Variants in ZNF43 observed in about 807,000 individuals in gnomAD.
The protein encoded by ZNF43 is zinc finger protein 43.
A neutral mutation model predicts 68.4 loss-of-function variants in ZNF43; 44 were observed. The ratio of observed to expected loss-of-function variants is 0.64; its 90% CI spans 0.51 to 0.83. The LOEUF (loss-of-function observed/expected upper bound fraction) is 0.83, where lower values mean the gene tolerates loss of function less well. Ranked by LOEUF, ZNF43 falls within the 40% of genes least tolerant of loss-of-function variation. ZNF43 has a pLI of 0.00. For missense variants in ZNF43, 896 were observed against 933.2 expected (o/e 0.96, Z 0.52); for synonymous variants, 308 against 307.8 (o/e 1.00, Z -0.01).
chr19:21,833,698 T>G (rs551159656), intron 1 of ZNF43, among the ~76,000 whole-genome samples: 1 of 151,764 alleles, frequency 6.6e-6, no homozygotes, highest in South Asian at 2.1e-4. Flanking sequence ...ATCACCCACA[T>G]TTTTCGAAAG....
chr19:21,809,107 T>C lies in ZNF43; in HGVS notation c.930A>G (p.Gly310=). 6.2e-7 allele frequency: 1 copy of C among 1,613,588 alleles called. No individual in the cohort carries two copies. Among genetic ancestry groups the C allele is most frequent in the South Asian group, 1.1e-5 (1 of 91,074 alleles). Residue 310 remains glycine, a synonymous_variant, in exon 4 of 4, where the codon GGA becomes GGG. Transcript: ENST00000354959. Reference sequence around the variant, plus strand: ...ATTCTTCACATTTGTAAGGTTTCTCTCCAGGATGAATTTTCTTATGTTCAG... The same window carrying C: ...ATTCTTCACATTTGTAAGGTTTCTCCCCAGGATGAATTTTCTTATGTTCAG... ...NLTEHKKIHP[G]EKPYKCEECG...
At chr19:21,824,371 TG>T (rs1180537479) in intron 1 of ZNF43, among the ~76,000 whole-genome samples, 1 of 152,182 alleles carries the variant, frequency 6.6e-6, no homozygotes, top group East Asian at 1.9e-4. Flanking sequence ...CTAAGATGCT[TG>T]TTTACACTTA....
At chr19:21,847,697 CG>C (rs199851865) in intron 1 of ZNF43, among the ~76,000 whole-genome samples, 1 of 112,622 alleles carries the variant, frequency 8.9e-6, no homozygotes, top group African/African-American at 5.1e-5. Flanking sequence ...ACTCCGTCTC[CG>C]AAAAAAAAAA....
chr19:21,839,593 G>A (rs890436178), upstream of ZNF43: 1 of 152,210 alleles, frequency 6.6e-6, no homozygotes, highest in Admixed American at 6.5e-5. Context: ...CACATAGCCT[G>A]TGTGCTAATC....
At chr19:21,820,810 G>T (rs1174180617) in intron 1 of ZNF43, among the ~76,000 whole-genome samples, 4 of 150,472 alleles carry the variant, frequency 2.7e-5, no homozygotes, top group Admixed American at 1.3e-4. Context: ...TCAAGATACA[G>T]ATGTCTCCCA....
At chr19:21,829,032 C>CAAAAAAAAA (rs551226809) in intron 1 of ZNF43, among the ~76,000 whole-genome samples, 5 of 38,812 alleles carry the variant, frequency 1.3e-4, no homozygotes, top group African/African-American at 2.6e-4. Context: ...GACTCTGTCT[C>CAAAAAAAAA]AAAAAAAAAA....
intron 3 of ZNF43, among the ~76,000 whole-genome samples, chr19:21,817,451 A>G (rs10402133): frequency 0.17 from 25,729 of 152,232 alleles, 2,485 homozygotes; most frequent in Non-Finnish European, 0.22. Context: ...TAAAAACAGG[A>G]TGAACTGTGC....
intron 1 of ZNF43, chr19:21,850,010 T>C (rs1010273338): frequency 6.6e-6 from 1 of 152,144 alleles, no homozygotes; most frequent in African/African-American, 2.4e-5. Flanking sequence ...GAGTATCACA[T>C]CACCTGAATA....
chr19:21,812,782 C>T (rs1255061408), intron 3 of ZNF43, among the ~76,000 whole-genome samples: 3 of 151,990 alleles, frequency 2.0e-5, no homozygotes, highest in Non-Finnish European at 4.4e-5. Flanking sequence ...AAAACCCCAT[C>T]TCTACTAAAA....
At chr19:21,829,210 T>C (rs1018374913) in intron 1 of ZNF43, among the ~76,000 whole-genome samples, 5 of 150,390 alleles carry the variant, frequency 3.3e-5, no homozygotes, top group African/African-American at 1.2e-4. Flanking sequence ...GGTGACAGAG[T>C]GAGACTCCAT....
At chr19:21,830,760 A>T (rs192347908) in intron 1 of ZNF43, among the ~76,000 whole-genome samples, 2 of 152,192 alleles carry the variant, frequency 1.3e-5, no homozygotes, top group African/African-American at 4.8e-5. Context: ...CTCATTACAT[A>T]ATAGCATTAT....
At chr19:21,848,300 C>A (rs1167803095) in intron 1 of ZNF43, among the ~76,000 whole-genome samples, 1 of 152,012 alleles carries the variant, frequency 6.6e-6, no homozygotes, top group Non-Finnish European at 1.5e-5. Context: ...TGCGCCACCA[C>A]ACGTGGCTAA....
intron 1 of ZNF43, among the ~76,000 whole-genome samples, chr19:21,850,716 A>G (rs1968291025): frequency 6.6e-6 from 1 of 152,246 alleles, no homozygotes; most frequent in South Asian, 2.1e-4. Flanking sequence ...ATATGTAACA[A>G]TGCACCTTGT....
intron 1 of ZNF43, among the ~76,000 whole-genome samples, chr19:21,828,801 C>T (rs2038268386): frequency 6.7e-6 from 1 of 149,216 alleles, no homozygotes; most frequent in Non-Finnish European, 1.5e-5. Flanking sequence ...TGGGAGGCCG[C>T]AGCGAGCAGA....
chr19:21,820,617 G>A (rs1599479293), intron 1 of ZNF43, among the ~76,000 whole-genome samples: 1 of 151,762 alleles, frequency 6.6e-6, no homozygotes, highest in East Asian at 1.9e-4. Context: ...AATTATTTAG[G>A]GAAAGAGTCT....
chr19:21,837,099 G>T (rs1455589367), upstream of ZNF43, among the ~76,000 whole-genome samples: 1 of 152,124 alleles, frequency 6.6e-6, no homozygotes, highest in Non-Finnish European at 1.5e-5. Context: ...ATTCTTAGTG[G>T]ATAGTATTCC....
chr19:21,839,331 C>CAAAAAAAAAAA (rs61335194), upstream of ZNF43, among the ~76,000 whole-genome samples: 12 of 28,284 alleles, frequency 4.2e-4, no homozygotes, highest in Non-Finnish European at 6.3e-4. Context: ...AGAGATCAGG[C>CAAAAAAAAAAA]AAAAAAAAAA....
At chr19:21,815,372 C>T (rs1298729816) in intron 3 of ZNF43, among the ~76,000 whole-genome samples, 1 of 151,560 alleles carries the variant, frequency 6.6e-6, no homozygotes, top group Admixed American at 6.6e-5. Context: ...TTTTAATAAA[C>T]ATTTAAAAGA....
upstream of ZNF43, chr19:21,836,284 C>A (rs1255137140): frequency 4.6e-6 from 6 of 1,292,122 alleles, no homozygotes; most frequent in Non-Finnish European, 5.0e-6. Flanking sequence ...CTTCTAAGGT[C>A]CTGCCCCCGC....
Sources: gnomAD v4.1 joint callset for allele counts (sites outside exome capture counted in the v4.1 genomes callset) on GRCh38, gnomAD v4.1.1 for gene constraint, MANE v1.5 for transcripts, NCBI Gene and HGNC (gene_info 2026-07-23, HGNC 2026-07-21) for gene names.